The following SYT14 variants were observed in gnomAD, a reference collection of about 807,000 sequenced individuals.
SYT14 encodes the protein synaptotagmin-14.
Under a neutral mutation model 74.2 loss-of-function variants are expected in SYT14, and 32 were observed. The observed-to-expected ratio is 0.43, with a 90% CI of 0.33 to 0.58. The LOEUF is 0.58. Ranked by LOEUF, SYT14 falls within the 20% of genes least tolerant of loss-of-function variation. The probability of loss-of-function intolerance (pLI) is 0.05; values close to 1 mark genes in which losing one functional copy is unlikely to be tolerated. For synonymous variants in SYT14, 298 were observed against 337.7 expected (o/e 0.88, Z 1.29); for missense variants, 791 against 981.8 (o/e 0.81, Z 2.60).
intron 5 of SYT14, among the ~76,000 whole-genome samples, chr1:210,027,629 A>G (rs538880648): frequency 1.2e-3 from 183 of 152,216 alleles, no homozygotes; most frequent in African/African-American, 4.3e-3. Flanking sequence ...TCAAGGGTCA[A>G]CCATACATGT....
exon 4 of SYT14, chr1:210,015,763 A>T: frequency 3.3e-6 from 2 of 609,968 alleles, no homozygotes; most frequent in Non-Finnish European, 4.5e-6. Flanking sequence ...GTGAGAAAAA[A>T]TGTCATAACG....
At chr1:210,127,758 G>A (rs1243198256) in intron 7 of SYT14, among the ~76,000 whole-genome samples, 1 of 152,136 alleles carries the variant, frequency 6.6e-6, no homozygotes, top group Non-Finnish European at 1.5e-5. Context: ...GGGCACAGTG[G>A]CTCACTCCTG....
At chr1:210,132,548 A>G (rs2082696349) in intron 7 of SYT14, among the ~76,000 whole-genome samples, 1 of 148,060 alleles carries the variant, frequency 6.8e-6, no homozygotes. Flanking sequence ...AAAGTCTAAG[A>G]TGATGATGAT....
intron 5 of SYT14, among the ~76,000 whole-genome samples, chr1:210,024,339 A>G (rs2080365245): frequency 6.6e-6 from 1 of 152,204 alleles, no homozygotes; most frequent in Admixed American, 6.5e-5. Context: ...TCTGAATTAC[A>G]GTAGTGGCAA....
At chr1:210,082,978 CTT>C (rs898221466) in intron 5 of SYT14, among the ~76,000 whole-genome samples, 1 of 144,868 alleles carries the variant, frequency 6.9e-6, no homozygotes, top group Non-Finnish European at 1.5e-5. Context: ...TGGGTTATTT[CTT>C]TTTTTTTTTT....
intron 5 of SYT14, among the ~76,000 whole-genome samples, chr1:210,075,749 A>G (rs549910731): frequency 5.9e-5 from 9 of 152,212 alleles, no homozygotes; most frequent in South Asian, 4.1e-4. Flanking sequence ...GTCTGTGGGC[A>G]CAGGCCTGCG....
At chr1:210,116,361 A>G (rs966359567) in intron 7 of SYT14, among the ~76,000 whole-genome samples, 1 of 152,090 alleles carries the variant, frequency 6.6e-6, no homozygotes, top group Non-Finnish European at 1.5e-5. Context: ...TTGTTTTGAG[A>G]TAGAGTCTCA....
chr1:209,991,048 A>G (rs572970988), intron 2 of SYT14, among the ~76,000 whole-genome samples: 1 of 152,208 alleles, frequency 6.6e-6, no homozygotes, highest in Non-Finnish European at 1.5e-5. Flanking sequence ...CACCCTATTC[A>G]GTAAGTGGCG....
At chr1:210,046,464 G>A (rs946586910) in intron 5 of SYT14, among the ~76,000 whole-genome samples, 11 of 151,954 alleles carry the variant, frequency 7.2e-5, no homozygotes, top group African/African-American at 9.7e-5. Flanking sequence ...AGCTATTACC[G>A]TAAGTTATTT....
chr1:210,032,934 T>A (rs976725260), intron 5 of SYT14, among the ~76,000 whole-genome samples: 4 of 150,912 alleles, frequency 2.7e-5, no homozygotes, highest in Non-Finnish European at 5.9e-5. Context: ...CATTTTCAAT[T>A]TTTTTTTTGC....
intron 5 of SYT14, among the ~76,000 whole-genome samples, chr1:210,027,754 G>C (rs1479792094): frequency 2.0e-5 from 3 of 152,022 alleles, no homozygotes; most frequent in African/African-American, 7.2e-5. Context: ...CCAATTTGAA[G>C]GGGAAATAAT....
At chr1:210,031,989 A>G (rs779008461) in intron 5 of SYT14, among the ~76,000 whole-genome samples, 1 of 152,172 alleles carries the variant, frequency 6.6e-6, no homozygotes, top group Non-Finnish European at 1.5e-5. Flanking sequence ...TTCAGGACAA[A>G]TAAGGGACAA....
chr1:210,081,210 G>T (rs1340078661), intron 5 of SYT14, among the ~76,000 whole-genome samples: 1 of 152,160 alleles, frequency 6.6e-6, no homozygotes, highest in African/African-American at 2.4e-5. Context: ...ATATCGTCTT[G>T]AAAGTAATGT....
At chr1:209,976,606 G>A (rs548315955) in intron 2 of SYT14, among the ~76,000 whole-genome samples, 54 of 151,560 alleles carry the variant, frequency 3.6e-4, no homozygotes, top group African/African-American at 9.9e-4. Flanking sequence ...CATTTGCTGA[G>A]GAGTCCTTTA....
chr1:210,096,754 G>A (rs1430491460), intron 6 of SYT14, among the ~76,000 whole-genome samples: 1 of 152,210 alleles, frequency 6.6e-6, no homozygotes, highest in Non-Finnish European at 1.5e-5. Context: ...CTTAAGTAGA[G>A]CACATGGGTG....
intron 2 of SYT14, among the ~76,000 whole-genome samples, chr1:209,975,055 T>C (rs2079332537): frequency 1.3e-5 from 2 of 152,238 alleles, no homozygotes; most frequent in Admixed American, 6.5e-5. Flanking sequence ...TTTTTGCACA[T>C]TGATTTTGTA....
intron 7 of SYT14, among the ~76,000 whole-genome samples, chr1:210,136,801 G>A (rs2082795842): frequency 6.6e-6 from 1 of 152,154 alleles, no homozygotes; most frequent in Admixed American, 6.5e-5. Flanking sequence ...GGAGGGAGAA[G>A]TCATTAGAGA....
At chr1:210,020,134 A>T (rs2080272552) in intron 4 of SYT14, among the ~76,000 whole-genome samples, 1 of 152,198 alleles carries the variant, frequency 6.6e-6, no homozygotes, top group South Asian at 2.1e-4. Flanking sequence ...GAATATAATT[A>T]TAACTTCTAC....
At chr1:210,112,146 C>T (rs2082275137) in intron 7 of SYT14, among the ~76,000 whole-genome samples, 1 of 151,254 alleles carries the variant, frequency 6.6e-6, no homozygotes, top group South Asian at 2.1e-4. Context: ...GTGGGAAAGG[C>T]CTCTACCCAT....
Sources: gnomAD v4.1 joint callset for allele counts (sites outside exome capture counted in the v4.1 genomes callset) on GRCh38, gnomAD v4.1.1 for gene constraint, MANE v1.5 for transcripts, NCBI Gene and HGNC (gene_info 2026-07-23, HGNC 2026-07-21) for gene names.